The following LIPT1 variants were observed in gnomAD, a reference collection of about 807,000 sequenced individuals.
LIPT1 encodes lipoyltransferase 1, also known as lipoyl amidotransferase LIPT1, mitochondrial.
Under a neutral mutation model 25.1 loss-of-function variants are expected in LIPT1, and 22 were observed. That is an observed-to-expected ratio of 0.88 (90% CI 0.63 to 1.25). The LOEUF is 1.25. Among genes scored for constraint, LIPT1 ranks in the 50% most tolerant of loss-of-function variants. The pLI, the probability that LIPT1 is intolerant of heterozygous loss-of-function variation, is 0.00. For missense variants in LIPT1, 399 were observed against 432.8 expected, an observed-to-expected ratio of 0.92 and a Z score of 0.69; for synonymous variants, 131 against 150.8, an observed-to-expected ratio of 0.87 and a Z score of 0.96.
intron 1 of LIPT1, chr2:99,155,592 G>A: frequency 2.2e-6 from 1 of 453,752 alleles, no homozygotes; most frequent in East Asian, 7.0e-5. Context: ...GTCATTAAAG[G>A]GTGAGAGTAG....
At chr2:99,161,333 T>A in intron 1 of LIPT1, 1 of 103,318 alleles carries the variant, frequency 9.7e-6, no homozygotes, top group Non-Finnish European at 1.8e-5. Context: ...TATATATATA[T>A]ATATAGATTG....
chr2:99,156,354 C>T (rs942862239), intron 1 of LIPT1: 4 of 152,262 alleles, frequency 2.6e-5, no homozygotes, highest in Non-Finnish European at 5.9e-5. Flanking sequence ...ACCTCCACCT[C>T]CCGGGTTCAA....
intron 1 of LIPT1, among the ~76,000 whole-genome samples, chr2:99,161,152 T>TGA (rs1181268838): frequency 6.8e-6 from 1 of 145,998 alleles, no homozygotes; most frequent in Non-Finnish European, 1.5e-5. Flanking sequence ...GTTATCCCAG[T>TGA]GAGGTAGGAG....
At position 99,162,573 on chromosome 2, in the gene LIPT1, G is replaced by T; in HGVS notation, c.616G>T (p.Ala206Ser). ...PYQGIRSNAT[A>S]SIPSLVKNLL... The stretch of plus-strand genomic sequence containing the variant: ...CCAAGGGATCAGGAGCAATGCCACT[G>T]CTAGCATACCTTCCTTAGTGAAAAA... The change falls in exon 2 of 2, where the codon GCT (alanine) becomes TCT (serine). Residue 206 changes from alanine (A) to serine (S), a missense_variant. Coordinates refer to ENST00000651691, the MANE Select transcript of LIPT1 (RefSeq NM_145199.3). 6.2e-7 allele frequency: 1 copy of T among 1,614,124 alleles called. No individual in the cohort carries two copies. Among genetic ancestry groups the T allele is most frequent in the Non-Finnish European group, 8.5e-7 (1 of 1,180,036 alleles).
chr2:99,158,693 A>G (rs2093768159), intron 1 of LIPT1, among the ~76,000 whole-genome samples: 1 of 152,148 alleles, frequency 6.6e-6, no homozygotes, highest in African/African-American at 2.4e-5. Flanking sequence ...CATGGGTCCT[A>G]TCTCCTTTTC....
At chr2:99,158,471 A>G (rs1230528039) in intron 1 of LIPT1, among the ~76,000 whole-genome samples, 3 of 150,314 alleles carry the variant, frequency 2.0e-5, no homozygotes. Flanking sequence ...GTGGTGGCAC[A>G]TGCTGGCTAA....
chr2:99,159,852 G>A (rs1426530311), intron 1 of LIPT1, among the ~76,000 whole-genome samples: 1 of 152,126 alleles, frequency 6.6e-6, no homozygotes, highest in Non-Finnish European at 1.5e-5. Flanking sequence ...TTTCTCTTAG[G>A]AGGGAATCCC....
At chr2:99,155,361 G>C in intron 1 of LIPT1, 1 of 392,900 alleles carries the variant, frequency 2.5e-6, no homozygotes, top group South Asian at 1.9e-5. Flanking sequence ...ACCGTAATGA[G>C]ATTCTGAGTA....
At chr2:99,158,803 C>T (rs2093768663) in intron 1 of LIPT1, among the ~76,000 whole-genome samples, 1 of 152,232 alleles carries the variant, frequency 6.6e-6, no homozygotes, top group East Asian at 1.9e-4. Flanking sequence ...TGGCGCTCTA[C>T]TGTACTTAAC....
intron 1 of LIPT1, chr2:99,155,461 T>C (rs925870370): frequency 2.2e-6 from 1 of 455,876 alleles, no homozygotes; most frequent in Non-Finnish European, 4.4e-6. Flanking sequence ...ATAGATGGGA[T>C]TGTGCTGTTT....
At chr2:99,159,878 A>G (rs1262956667) in intron 1 of LIPT1, among the ~76,000 whole-genome samples, 1 of 152,212 alleles carries the variant, frequency 6.6e-6, no homozygotes, top group Non-Finnish European at 1.5e-5. Context: ...ATACCTTACT[A>G]TTAGATGACT....
chr2:99,159,082 C>T (rs886575179), intron 1 of LIPT1, among the ~76,000 whole-genome samples: 2 of 152,190 alleles, frequency 1.3e-5, no homozygotes, highest in Admixed American at 1.3e-4. Context: ...GCGCCCGCCA[C>T]CATGCCCGGC....
At position 99,162,619 on chromosome 2, in the gene LIPT1, C is replaced by T; in HGVS notation, c.662C>T (p.Thr221Ile). 1.2e-6 allele frequency: 2 copies of T among 1,614,138 alleles called. No homozygotes were observed. The highest frequency in any genetic ancestry group is 1.7e-6 in the Non-Finnish European group (2 of 1,180,010). ...LVKNLLEKDP[T>I]LTCEVLMNAV... ...AAAAATCTTTTGGAAAAGGATCCCA[C>T]TCTGACCTGTGAAGTACTAATGAAT... is the stretch of plus-strand genomic sequence containing the variant. The change falls in exon 2 of 2, where the codon ACT becomes ATT. Residue 221 changes from threonine (T) to isoleucine (I), a missense_variant. By Grantham distance (89) the Thr-to-Ile change is moderately conservative. Coordinates refer to ENST00000651691, the MANE Select transcript of LIPT1 (RefSeq NM_145199.3).
At chr2:99,161,804 A>G (rs2093795013) in intron 1 of LIPT1, 153 bp from the exon 2 acceptor site, 1 of 561,598 alleles carries the variant, frequency 1.8e-6, no homozygotes, top group Non-Finnish European at 3.1e-6. Flanking sequence ...TGGTTATAGC[A>G]TTGCTAAAGA....
At position 99,162,661 on chromosome 2, in the gene LIPT1, A is replaced by G. The variant is rs2093805381; in HGVS notation, c.704A>G (p.Tyr235Cys). 5.6e-6 allele frequency: 9 copies of G among 1,614,132 alleles called. No homozygotes were observed. Among genetic ancestry groups the G allele is most frequent in the East Asian group, 2.2e-5 (1 of 44,886 alleles). Residue 235 changes from tyrosine (Y) to cysteine (C), a missense_variant, in exon 2 of 2, where the codon TAT (tyrosine) becomes TGT (cysteine). Tyr to Cys is a radical substitution (Grantham distance 194, BLOSUM62 -2). Coordinates refer to ENST00000651691, the MANE Select transcript of LIPT1 (RefSeq NM_145199.3). ...CTAATGAATGCTGTTGCTACAGAGT[A>G]TGCTGCTTATCATCAAATTGATAAT... The part of the protein sequence containing the change: ...EVLMNAVATE[Y>C]AAYHQIDNHI...
At chr2:99,159,406 C>G (rs1294635945) in intron 1 of LIPT1, among the ~76,000 whole-genome samples, 2 of 152,140 alleles carry the variant, frequency 1.3e-5, no homozygotes, top group African/African-American at 2.4e-5. Context: ...CCTTCTCTCT[C>G]TCTCTCTCTC....
intron 1 of LIPT1, chr2:99,161,685 A>G (rs943431036): frequency 3.5e-6 from 1 of 289,416 alleles, no homozygotes; most frequent in Admixed American, 4.7e-5. Flanking sequence ...GAGAAAAAAA[A>G]AAGATATATT....
At chr2:99,161,895 AAAATAGAATT>A in intron 1 of LIPT1, 52 bp from the exon 2 acceptor site, 1 of 1,395,566 alleles carries the variant, frequency 7.2e-7, no homozygotes. Context: ...TGATAGTTAG[AAAATAGAATT>A]TAATGTTCCT....
chr2:99,163,121 A>G lies in LIPT1; in HGVS notation c.*42A>G. On this transcript the variant is annotated 3_prime_UTR_variant, in exon 2 of 2. Coordinates refer to ENST00000651691, the MANE Select transcript of LIPT1 (RefSeq NM_145199.3). ...TAATACAGTTTCAATTAGAAAATAA[A>G]ATGTCTCATACTTGCACATTGTATG... 7.3e-7 allele frequency: 1 copy of G among 1,376,224 alleles called. No individual in the cohort carries two copies. The highest frequency in any genetic ancestry group is 1.7e-5 in the South Asian group (1 of 58,176). 85.3% of individuals were successfully genotyped at this position (1,376,224 alleles called of 1,614,324 possible).
Sources: allele counts gnomAD v4.1 joint callset (sites outside exome capture counted in the v4.1 genomes callset), GRCh38; gene constraint gnomAD v4.1.1; transcripts MANE v1.5; gene names NCBI Gene and HGNC (gene_info 2026-07-23, HGNC 2026-07-21).